Variants in MICAL2 observed in about 807,000 individuals in gnomAD.
The protein encoded by MICAL2 is microtubule associated monooxygenase, calponin and LIM domain containing 2, also known as [F-actin]-monooxygenase MICAL2.
A neutral mutation model predicts 127.3 loss-of-function variants in MICAL2; 77 were observed. The ratio of observed to expected loss-of-function variants is 0.60; its 90% CI spans 0.50 to 0.73. The LOEUF is 0.73. Ranked by LOEUF, MICAL2 falls within the 30% of genes least tolerant of loss-of-function variation. The pLI is 0.00. For synonymous variants in MICAL2, 570 were observed against 551.1 expected (o/e 1.03, Z -0.48); for missense variants, 1,351 against 1,434.4 (o/e 0.94, Z 0.94).
chr11:12,255,870 G>A (rs1862262678), intron 23 of MICAL2, 120 bp downstream of exon 23: 1 of 716,906 alleles, frequency 1.4e-6, no homozygotes, highest in South Asian at 1.9e-5. Flanking sequence ...CTTGGAACAA[G>A]AGGGGGCTGA....
intron 2 of MICAL2, among the ~76,000 whole-genome samples, chr11:12,138,702 C>T (rs1264803773): frequency 6.6e-6 from 1 of 152,148 alleles, no homozygotes; most frequent in Non-Finnish European, 1.5e-5. Context: ...GCTGTGGGAG[C>T]CTCAAGGGCA....
intron 8 of MICAL2, 67 bp downstream of exon 8, chr11:12,216,386 G>A: frequency 1.6e-6 from 2 of 1,227,370 alleles, no homozygotes; most frequent in Non-Finnish European, 2.4e-6. Context: ...CAGGTGTGAA[G>A]GCAGATGTCG....
intron 32 of MICAL2, among the ~76,000 whole-genome samples, chr11:12,345,545 T>A (rs143139995): frequency 6.6e-6 from 1 of 152,296 alleles, no homozygotes; most frequent in East Asian, 1.9e-4. Flanking sequence ...TCAGGAGAAA[T>A]GTGTCAGCTG....
downstream of MICAL2, chr11:12,293,851 C>T: frequency 6.2e-7 from 1 of 1,607,872 alleles, no homozygotes; most frequent in Non-Finnish European, 8.5e-7. Context: ...AGGACAGGAG[C>T]TGGACAGGGC....
At chr11:12,263,312 C>G (rs1187038571) in intron 27 of MICAL2, 1 of 152,256 alleles carries the variant, frequency 6.6e-6, no homozygotes, top group Non-Finnish European at 1.5e-5. Flanking sequence ...TTTCTGCTGA[C>G]TCTTGTACCT....
intron 24 of MICAL2, among the ~76,000 whole-genome samples, chr11:12,270,993 C>T (rs1257383173): frequency 6.6e-6 from 1 of 152,180 alleles, no homozygotes; most frequent in African/African-American, 2.4e-5. Context: ...GAAAGGGCCT[C>T]TGGACCTGGC....
intron 16 of MICAL2, among the ~76,000 whole-genome samples, 170 bp from the exon 17 acceptor site, chr11:12,239,266 T>G (rs987137913): frequency 2.6e-5 from 4 of 152,192 alleles, no homozygotes; most frequent in African/African-American, 9.6e-5. Flanking sequence ...GCATCCCTCC[T>G]GTGAGCATTG....
intron 3 of MICAL2, among the ~76,000 whole-genome samples, chr11:12,191,914 G>A (rs1859201602): frequency 6.6e-6 from 1 of 152,140 alleles, no homozygotes; most frequent in Non-Finnish European, 1.5e-5. Flanking sequence ...TGAATGGTGA[G>A]AAGGAGCTGT....
At chr11:12,302,672 CT>C (rs201762434) in intron 29 of MICAL2, among the ~76,000 whole-genome samples, 43 of 148,218 alleles carry the variant, frequency 2.9e-4, no homozygotes, top group African/African-American at 5.7e-4. Context: ...ACAGAAGTAC[CT>C]TTTTTTTTTA....
intron 30 of MICAL2, among the ~76,000 whole-genome samples, chr11:12,323,614 C>T (rs562049371): frequency 1.3e-5 from 2 of 152,346 alleles, no homozygotes; most frequent in East Asian, 3.9e-4. Context: ...TACAGACCTA[C>T]ACATACACTC....
intron 2 of MICAL2, among the ~76,000 whole-genome samples, chr11:12,155,500 G>T (rs946767688): frequency 1.3e-5 from 2 of 151,574 alleles, no homozygotes; most frequent in South Asian, 4.2e-4. Context: ...ACATACACAC[G>T]TACACATACG....
chr11:12,204,108 A>G (rs1292487414), intron 3 of MICAL2, 142 bp from the exon 4 acceptor site: 3 of 725,968 alleles, frequency 4.1e-6, no homozygotes, highest in Non-Finnish European at 4.6e-6. Context: ...GATGAATGAC[A>G]GGCCCTAACA....
At chr11:12,298,322 ATT>A (rs1565298201) in intron 29 of MICAL2, among the ~76,000 whole-genome samples, 1 of 152,014 alleles carries the variant, frequency 6.6e-6, no homozygotes, top group Non-Finnish European at 1.5e-5. Context: ...AAAGTTATTG[ATT>A]TTTGTGTGGT....
chr11:12,321,858 G>T (rs1046758597), intron 30 of MICAL2, among the ~76,000 whole-genome samples: 1 of 152,040 alleles, frequency 6.6e-6, no homozygotes, highest in African/African-American at 2.4e-5. Context: ...ATTGCATTCA[G>T]TGGTCTTCAT....
At chr11:12,156,609 G>C (rs1365015549) in intron 2 of MICAL2, among the ~76,000 whole-genome samples, 1 of 152,154 alleles carries the variant, frequency 6.6e-6, no homozygotes. Flanking sequence ...TGCTCCTTTT[G>C]GTTAAATTGG....
chr11:12,232,532 G>A (rs1350182966), intron 15 of MICAL2, among the ~76,000 whole-genome samples: 1 of 152,144 alleles, frequency 6.6e-6, no homozygotes, highest in African/African-American at 2.4e-5. Context: ...AGACCAGCCT[G>A]GCCAACAAAG....
intron 3 of MICAL2, among the ~76,000 whole-genome samples, chr11:12,193,064 A>G (rs371172700): frequency 2.0e-5 from 3 of 152,260 alleles, no homozygotes; most frequent in East Asian, 3.9e-4. Flanking sequence ...CTACACCACC[A>G]TATCCGCTAT....
At chr11:12,349,717 G>A in intron 32 of MICAL2, 2 of 840,294 alleles carry the variant, frequency 2.4e-6, no homozygotes, top group South Asian at 1.6e-5. Flanking sequence ...AGGGTGTCAG[G>A]GAGCTGCTGC....
chr11:12,190,806 A>G (rs973229745), intron 3 of MICAL2, among the ~76,000 whole-genome samples: 3 of 152,234 alleles, frequency 2.0e-5, no homozygotes, highest in Admixed American at 2.0e-4. Flanking sequence ...CCAGATAAAC[A>G]TCTTTAAGTA....
Sources: gnomAD v4.1 joint callset for allele counts (sites outside exome capture counted in the v4.1 genomes callset) on GRCh38, gnomAD v4.1.1 for gene constraint, MANE v1.5 for transcripts, NCBI Gene and HGNC (gene_info 2026-07-23, HGNC 2026-07-21) for gene names.